The following NOSTRIN variants were observed in gnomAD, a reference collection of about 807,000 sequenced individuals.
NOSTRIN encodes nitric oxide synthase trafficking, also known as BM247 homolog.
In NOSTRIN, 63 loss-of-function variants were observed where a neutral mutation model predicts 59.0. The observed-to-expected ratio is 1.07, with a 90% CI of 0.87 to 1.32. NOSTRIN has a LOEUF of 1.32. Ranked by LOEUF, NOSTRIN falls within the 40% of genes most tolerant of loss-of-function variation. NOSTRIN has a pLI of 0.00. For missense variants in NOSTRIN, 512 were observed against 473.1 expected, an observed-to-expected ratio of 1.08 and a Z score of -0.76; for synonymous variants, 200 against 165.4, an observed-to-expected ratio of 1.21 and a Z score of -1.61.
intron 2 of NOSTRIN, chr2:168,812,083 A>C (rs1202152535): frequency 6.5e-6 from 1 of 153,030 alleles, no homozygotes; most frequent in East Asian, 1.9e-4. Context: ...AGTCACTGTC[A>C]GGTGGATGAA....
At chr2:168,833,124 G>A (rs1687465394) in intron 6 of NOSTRIN, among the ~76,000 whole-genome samples, 3 of 152,066 alleles carry the variant, frequency 2.0e-5, no homozygotes, top group South Asian at 4.1e-4. Context: ...GAGTGACAGC[G>A]AAATTAGAGA....
chr2:168,839,884 C>CAAAAAAAA (rs58341006), intron 7 of NOSTRIN, among the ~76,000 whole-genome samples: 515 of 30,786 alleles, frequency 0.017, 5 homozygotes, highest in African/African-American at 0.068. Flanking sequence ...GACTCCGTCT[C>CAAAAAAAA]AAAAAAAAAA....
rs7595110 is a variant in NOSTRIN, at chr2:168,849,558, G to A, written c.631-1526G>A. On this transcript the variant is annotated intron_variant, in intron 8 of 15. Coordinates refer to ENST00000317647, the MANE Select transcript of NOSTRIN (RefSeq NM_001039724.4). ...TTTAGTAGAGACGGGGTTTTGCCACGTTGGGCAGGCTGGCCTTGAACTCCT... is the reference window on the plus strand; with the variant it reads ...TTTAGTAGAGACGGGGTTTTGCCACATTGGGCAGGCTGGCCTTGAACTCCT... Among the ~76,000 whole-genome samples the A allele has an allele frequency of 9.8e-3, 1,490 of 151,300 alleles. 23 individuals carry two copies. Among genetic ancestry groups the A allele is most frequent in the African/African-American group, 0.034 (1,412 of 41,228 alleles).
chr2:168,835,396 A>G lies in NOSTRIN; in HGVS notation c.504+1071A>G, dbSNP rs189835891. On this transcript the variant is annotated intron_variant, in intron 7 of 15. Coordinates refer to ENST00000317647, the MANE Select transcript of NOSTRIN (RefSeq NM_001039724.4). ...CCCTGGCCAGCCTTCTCGATAATGT[A>G]ATTTGTTCATCAAATTTTTTGTCAG... 6.3e-3 allele frequency among the ~76,000 whole-genome samples: 965 copies of G among 152,254 alleles called. 3 individuals carry two copies. Among genetic ancestry groups the G allele is most frequent in the Non-Finnish European group, 0.01 (701 of 68,018 alleles).
chr2:168,848,494 G>A (rs1688559455), intron 8 of NOSTRIN, among the ~76,000 whole-genome samples: 1 of 152,236 alleles, frequency 6.6e-6, no homozygotes, highest in Admixed American at 6.5e-5. Flanking sequence ...TGGCACAGAT[G>A]TTCATAGTTA....
Position 168,855,342 on chromosome 2 carries a change from T to C in NOSTRIN, c.856-10T>C. On this transcript the variant is annotated splice_polypyrimidine_tract_variant and intron_variant, in intron 10 of 15. Coordinates refer to ENST00000317647, the MANE Select transcript of NOSTRIN (RefSeq NM_001039724.4). ...TCCCCCTTGTTAGACATCCTTCTTT[T>C]TTCCTAAAGGAAGAAGATCCTAACA... 2 of 1,483,140 alleles carry C rather than the reference T, an allele frequency of 1.3e-6. No homozygotes were observed. Among genetic ancestry groups the C allele is most frequent in the Non-Finnish European group, 1.9e-6 (2 of 1,079,774 alleles). 91.9% of individuals were successfully genotyped at this position (1,483,140 alleles called of 1,614,324 possible). A position where few individuals can be genotyped will look rare whatever the true frequency, so the allele number is the denominator to read the frequency against.
intron 7 of NOSTRIN, among the ~76,000 whole-genome samples, chr2:168,839,921 ATGTG>A (rs112687215): frequency 0.25 from 19,811 of 78,352 alleles, 2,685 homozygotes; most frequent in East Asian, 0.36. Flanking sequence ...ATATATATAT[ATGTG>A]TGTGTGTGTG....
Position 168,864,924 on chromosome 2 carries a change from TGGA to T in NOSTRIN, c.1480_1482del (p.Glu494del). ...AAAGGCCATTTTCCTGCCGCTTATG[TGGA>T]GGAGTTACCTTCAAATGCTGGCAAC... On this transcript the variant is annotated inframe_deletion, in exon 16 of 16. Coordinates refer to ENST00000317647, the MANE Select transcript of NOSTRIN (RefSeq NM_001039724.4). The T allele has an allele frequency of 6.2e-7, 1 of 1,614,088 alleles. No individual in the cohort carries two copies. The highest frequency in any genetic ancestry group is 1.3e-5 in the African/African-American group (1 of 75,028).
At position 168,864,866 on chromosome 2, in the gene NOSTRIN, G is replaced by C. The variant is rs531626284; in HGVS notation, c.1417G>C (p.Gly473Arg). ...DIVIIHEKKE[G>R]GWWFGSLNGK... Reference sequence around the variant, plus strand: ...TGTGATTATACACGAGAAAAAAGAAGGAGGATGGTGGTTTGGATCTTTGAA... The same window carrying C: ...TGTGATTATACACGAGAAAAAAGAACGAGGATGGTGGTTTGGATCTTTGAA... Residue 473 changes from glycine (G) to arginine (R), a missense_variant, in exon 16 of 16, where the codon GGA becomes CGA. Physicochemically the swap from Gly to Arg is moderately radical, Grantham distance 125. Transcript: ENST00000317647. 1 of 1,613,798 alleles carries C rather than the reference G, an allele frequency of 6.2e-7. No homozygotes were observed. The highest frequency in any genetic ancestry group is 8.5e-7 in the Non-Finnish European group (1 of 1,179,856).
chr2:168,840,771 C>T (rs934312557), intron 7 of NOSTRIN, among the ~76,000 whole-genome samples: 3 of 151,904 alleles, frequency 2.0e-5, no homozygotes, highest in Non-Finnish European at 4.4e-5. Context: ...CTACTAAGTC[C>T]GGGGGGATCT....
intron 11 of NOSTRIN, chr2:168,856,055 G>A (rs1305657483): frequency 1.2e-5 from 3 of 254,958 alleles, no homozygotes; most frequent in African/African-American, 4.7e-5. Context: ...ATTTAGTGAT[G>A]TGAATACCAT....
At chr2:168,810,321 G>T (rs560215879) in intron 1 of NOSTRIN, among the ~76,000 whole-genome samples, 1 of 152,138 alleles carries the variant, frequency 6.6e-6, no homozygotes, top group Non-Finnish European at 1.5e-5. Context: ...AATGGATATG[G>T]TAAGACTGTT....
At position 168,815,607 on chromosome 2, in the gene NOSTRIN, C is replaced by T. The variant is rs75691008; in HGVS notation, c.113+3955C>T. 8.7e-3 allele frequency among the ~76,000 whole-genome samples: 1,327 copies of T among 152,260 alleles called. 10 individuals are homozygous for T. The highest frequency in any genetic ancestry group is 0.014 in the Non-Finnish European group (957 of 68,016). The stretch of plus-strand genomic sequence containing the variant: ...TGTTCAATCCATGATTCATTGCGGA[C>T]ACTGTCAACAAAGCAATAAAAAATT... On this transcript the variant is annotated intron_variant, in intron 2 of 15. Transcript: ENST00000317647.
chr2:168,833,610 T>G (rs1198111230), intron 6 of NOSTRIN, among the ~76,000 whole-genome samples: 6 of 152,314 alleles, frequency 3.9e-5, no homozygotes, highest in Middle Eastern at 6.8e-3. Flanking sequence ...CCCTAAATCC[T>G]AACCCACTCC....
intron 2 of NOSTRIN, among the ~76,000 whole-genome samples, chr2:168,815,318 C>G (rs755715302): frequency 6.6e-6 from 1 of 152,228 alleles, no homozygotes; most frequent in Non-Finnish European, 1.5e-5. Context: ...AACATAGCAG[C>G]TCCTAGAATG....
At chr2:168,834,513 A>ACACACGTGCG (rs57302360) in intron 7 of NOSTRIN, among the ~76,000 whole-genome samples, 188 bp downstream of exon 7, 1 of 141,672 alleles carries the variant, frequency 7.1e-6, no homozygotes, top group African/African-American at 2.6e-5. Context: ...GCGCGCACAC[A>ACACACGTGCG]CACACACACA....
upstream of NOSTRIN, among the ~76,000 whole-genome samples, chr2:168,798,578 A>G (rs1042729882): frequency 6.6e-6 from 1 of 152,200 alleles, no homozygotes; most frequent in Non-Finnish European, 1.5e-5. Flanking sequence ...AGGAAGGCAC[A>G]TGCTGAGCAG....
intron 8 of NOSTRIN, among the ~76,000 whole-genome samples, chr2:168,850,143 C>T (rs1307544453): frequency 6.6e-6 from 1 of 152,020 alleles, no homozygotes; most frequent in Non-Finnish European, 1.5e-5. Flanking sequence ...AAACTCCTGA[C>T]CTCAGGTGAT....
rs137969911 is a variant in NOSTRIN, at chr2:168,816,917, A to G, written c.113+5265A>G. 3.9e-3 allele frequency among the ~76,000 whole-genome samples: 601 copies of G among 152,318 alleles called. 4 individuals carry two copies. The highest frequency in any genetic ancestry group is 5.9e-3 in the Admixed American group (90 of 15,304). ...TCATAACGTTAATGAAGATCAAGTT[A>G]GGCTATTTTTGAGGAGTCATAAGTG... On this transcript the variant is annotated intron_variant, in intron 2 of 15. Transcript: ENST00000317647.
Sources: allele counts gnomAD v4.1 joint callset (sites outside exome capture counted in the v4.1 genomes callset), GRCh38; gene constraint gnomAD v4.1.1; transcripts MANE v1.5; gene names NCBI Gene and HGNC (gene_info 2026-07-23, HGNC 2026-07-21).